SNX29: variants seen among roughly 807,000 people sequenced by gnomAD.
SNX29 encodes the protein sorting nexin 29, also known as sorting nexin-29.
Under a neutral mutation model 102.1 loss-of-function variants are expected in SNX29, and 78 were observed. The observed-to-expected ratio is 0.76, with a 90% confidence interval of 0.64 to 0.92. SNX29 has a LOEUF of 0.92. Among genes scored for constraint, SNX29 ranks in the 40% least tolerant of loss-of-function variants. SNX29 has a pLI of 0.00. For synonymous variants in SNX29, 580 were observed against 414.5 expected, an observed-to-expected ratio of 1.40 and a Z score of -4.85; for missense variants, 1,280 against 1,061.7, an observed-to-expected ratio of 1.21 and a Z score of -2.86.
At chr16:12,326,648 C>A (rs1247316988) in intron 15 of SNX29, among the ~76,000 whole-genome samples, 1 of 152,196 alleles carries the variant, frequency 6.6e-6, no homozygotes, top group Non-Finnish European at 1.5e-5. Flanking sequence ...TTGCTGGCCC[C>A]TGTGTGGAGT....
At chr16:12,434,983 G>A (rs1174107445) in intron 18 of SNX29, among the ~76,000 whole-genome samples, 1 of 151,330 alleles carries the variant, frequency 6.6e-6, no homozygotes, top group Non-Finnish European at 1.5e-5. Flanking sequence ...GCGGTGGGGG[G>A]GGTTTGGTCA....
chr16:12,477,363 C>T (rs944985514), intron 18 of SNX29, among the ~76,000 whole-genome samples: 4 of 152,162 alleles, frequency 2.6e-5, no homozygotes, highest in African/African-American at 9.7e-5. Flanking sequence ...AACAAGTGTC[C>T]AGAAAGGTTG....
chr16:12,497,966 A>C (rs972935423), intron 19 of SNX29, among the ~76,000 whole-genome samples: 1 of 152,184 alleles, frequency 6.6e-6, no homozygotes, highest in Admixed American at 6.5e-5. Context: ...TGATTCCCCA[A>C]GGAAAGGCTG....
At chr16:12,232,191 G>C (rs1427066984) in intron 14 of SNX29, among the ~76,000 whole-genome samples, 1 of 152,172 alleles carries the variant, frequency 6.6e-6, no homozygotes, top group African/African-American at 2.4e-5. Context: ...TGGCCATTAA[G>C]GGGGAAGATG....
intron 13 of SNX29, among the ~76,000 whole-genome samples, chr16:12,147,096 C>T (rs1259582666): frequency 6.6e-6 from 1 of 152,212 alleles, no homozygotes. Flanking sequence ...AGGGAGCAAG[C>T]AGCAAGGTAT....
Position 12,571,283 on chromosome 16 carries a change from C to T in SNX29, c.*2654C>T, listed in dbSNP as rs986543794. 12 of 231,936 alleles carry T rather than the reference C, an allele frequency of 5.2e-5. No homozygotes were observed. Among genetic ancestry groups the T allele is most frequent in the African/African-American group, 2.0e-4 (9 of 45,260 alleles). 14.4% of individuals were successfully genotyped at this position (231,936 alleles called of 1,614,324 possible). A position where few individuals can be genotyped will look rare whatever the true frequency, so the allele number is the denominator to read the frequency against. ...GCAGAATTGTGGCTGAAACCTGGTG[C>T]CCAAATTCCACACCCTGGAAATGTG... is the stretch of plus-strand genomic sequence containing the variant. On this transcript the variant is annotated 3_prime_UTR_variant, in exon 21 of 21. Transcript: ENST00000566228.
At chr16:12,484,124 C>A (rs1354348085) in intron 19 of SNX29, among the ~76,000 whole-genome samples, 1 of 152,198 alleles carries the variant, frequency 6.6e-6, no homozygotes, top group Admixed American at 6.5e-5. Flanking sequence ...TCCTGCATCC[C>A]TGCTTAAGTC....
At chr16:12,526,184 T>G (rs1034733566) in intron 20 of SNX29, among the ~76,000 whole-genome samples, 3 of 152,198 alleles carry the variant, frequency 2.0e-5, no homozygotes, top group Admixed American at 2.0e-4. Context: ...TATAAGAGTT[T>G]CCTGTCACTG....
chr16:12,111,492 G>T (rs920693716), intron 11 of SNX29, among the ~76,000 whole-genome samples: 1 of 152,104 alleles, frequency 6.6e-6, no homozygotes, highest in African/African-American at 2.4e-5. Context: ...CCCTCCCTGC[G>T]CAGGAGTCCA....
At chr16:12,512,369 A>C (rs11863475) in intron 19 of SNX29, among the ~76,000 whole-genome samples, 9 of 43,936 alleles carry the variant, frequency 2.0e-4, no homozygotes, top group African/African-American at 8.3e-4. Context: ...GCCCAGGGAA[A>C]ATATATATAT....
At chr16:12,547,325 A>G (rs542194511) in intron 20 of SNX29, among the ~76,000 whole-genome samples, 10 of 152,332 alleles carry the variant, frequency 6.6e-5, no homozygotes, top group Admixed American at 4.6e-4. Flanking sequence ...AGGAACAGAG[A>G]GGCCTTGCAG....
At chr16:12,139,980 C>CAA (rs59169166) in intron 13 of SNX29, among the ~76,000 whole-genome samples, 13,366 of 87,226 alleles carry the variant, frequency 0.15, 1,397 homozygotes, top group Non-Finnish European at 0.21. Context: ...TACCCTGTCT[C>CAA]AAAAAAAAAA....
At chr16:12,060,475 A>G (rs2050724895) in intron 8 of SNX29, among the ~76,000 whole-genome samples, 1 of 152,150 alleles carries the variant, frequency 6.6e-6, no homozygotes, top group African/African-American at 2.4e-5. Context: ...GGTGGCTCAC[A>G]CCTGTAGTCC....
chr16:12,294,688 G>T (rs1020469648), intron 15 of SNX29, among the ~76,000 whole-genome samples: 6 of 152,100 alleles, frequency 3.9e-5, no homozygotes, highest in African/African-American at 1.4e-4. Flanking sequence ...TAACAGCTCA[G>T]ACCTGCCTAT....
At chr16:12,164,939 T>G (rs853869) in intron 13 of SNX29, among the ~76,000 whole-genome samples, 1 of 151,904 alleles carries the variant, frequency 6.6e-6, no homozygotes, top group Non-Finnish European at 1.5e-5. Context: ...CTGCCCACCT[T>G]GATCTCCCAA....
chr16:12,036,288 T>A (rs1012994195), intron 4 of SNX29, among the ~76,000 whole-genome samples: 6 of 151,504 alleles, frequency 4.0e-5, no homozygotes, highest in Non-Finnish European at 8.8e-5. Context: ...GGGTTCTTAC[T>A]ATGTTGCCCA....
chr16:11,997,976 T>A (rs889996004), intron 1 of SNX29, among the ~76,000 whole-genome samples: 1 of 152,162 alleles, frequency 6.6e-6, no homozygotes, highest in African/African-American at 2.4e-5. Flanking sequence ...AGGGTGAATG[T>A]GAAGATGAAG....
intron 20 of SNX29, among the ~76,000 whole-genome samples, chr16:12,540,378 C>T (rs1438955222): frequency 1.3e-5 from 2 of 152,182 alleles, no homozygotes; most frequent in African/African-American, 2.4e-5. Context: ...TATTGTTGCC[C>T]TACCAAATTG....
At chr16:12,071,824 G>C (rs1000118509) in intron 10 of SNX29, among the ~76,000 whole-genome samples, 1 of 152,132 alleles carries the variant, frequency 6.6e-6, no homozygotes, top group South Asian at 2.1e-4. Context: ...TCTTCCATTC[G>C]TTTGTATACT....
Sources: gnomAD v4.1 joint callset for allele counts (sites outside exome capture counted in the v4.1 genomes callset) on GRCh38, gnomAD v4.1.1 for gene constraint, MANE v1.5 for transcripts, NCBI Gene and HGNC (gene_info 2026-07-23, HGNC 2026-07-21) for gene names.